The following SHC2 variants were observed in gnomAD, a reference collection of about 807,000 sequenced individuals.
SHC2 encodes the protein SHC-transforming protein 2.
A neutral mutation model predicts 60.6 loss-of-function variants in SHC2; 62 were observed. The observed-to-expected ratio is 1.02, with a 90% CI of 0.83 to 1.26. SHC2 has a LOEUF of 1.26. Among genes scored for constraint, SHC2 ranks in the 50% most tolerant of loss-of-function variants. SHC2 has a pLI of 0.00. For missense variants in SHC2, 873 were observed against 822.2 expected (o/e 1.06, Z -0.76); for synonymous variants, 375 against 372.4 (o/e 1.01, Z -0.08).
At chr19:459,448 AGGGGGAAGGACCCCTCTCAACTCAG>A (rs1975483663) in intron 1 of SHC2, among the ~76,000 whole-genome samples, 1 of 143,554 alleles carries the variant, frequency 7.0e-6, no homozygotes, top group African/African-American at 2.7e-5. Context: ...AACCCAGCGT[AGGGGGAAGGACCCCTCTCAACTCAG>A]CGTAGGGGGA....
chr19:425,035 G>A lies in SHC2; in HGVS notation c.1309+62C>T. The A allele has an allele frequency of 4.5e-6, 6 of 1,323,744 alleles. No homozygotes were observed. The highest frequency in any genetic ancestry group is 5.9e-6 in the Non-Finnish European group (6 of 1,021,702). The allele number at this position is 1,323,744 out of a possible 1,614,324, so 82.0% of individuals were successfully genotyped here. A position where few individuals can be genotyped will look rare whatever the true frequency, so the allele number is the denominator to read the frequency against. On this transcript the variant is annotated intron_variant, in intron 10 of 12. Transcript: ENST00000264554. The surrounding 1 kb of genome is among the most constrained non-coding windows in gnomAD (Gnocchi z 4.1). ...CCGTAGGGAGTGGGGGTGGGGTTGTGCCTCCCCCATCAGACAACACGGCCA... is the reference window on the plus strand; with the variant it reads ...CCGTAGGGAGTGGGGGTGGGGTTGTACCTCCCCCATCAGACAACACGGCCA...
At chr19:460,438 C>G in intron 1 of SHC2, 91 bp downstream of exon 1, 1 of 511,036 alleles carries the variant, frequency 2.0e-6, no homozygotes, top group Non-Finnish European at 2.7e-6. Flanking sequence ...GAGGGGACAC[C>G]TGGCTCGCGG....
At position 422,630 on chromosome 19, in the gene SHC2, G is replaced by C. The variant is rs887408782; in HGVS notation, c.1310-174C>G. 27 of 592,816 alleles carry C rather than the reference G, an allele frequency of 4.6e-5. No individual in the cohort carries two copies. In the African/African-American group the frequency reaches 4.7e-4, roughly 10 times the overall value. 36.7% of individuals were successfully genotyped at this position (592,816 alleles called of 1,614,324 possible). On this transcript the variant is annotated intron_variant, in intron 10 of 12. Coordinates refer to ENST00000264554, the MANE Select transcript of SHC2 (RefSeq NM_012435.3). This position sits in a 1 kb window ranked among gnomAD's most constrained non-coding sequence, Gnocchi z 5.0. ...CACTCTGCCCAGCCCCGTGCGTGCG[G>C]TGGGCTCACATGTGTAGCAACCTGG...
intron 1 of SHC2, among the ~76,000 whole-genome samples, chr19:458,695 G>A (rs112691936): frequency 2.9e-5 from 4 of 139,330 alleles, no homozygotes; most frequent in African/African-American, 1.0e-4. Flanking sequence ...AGCGGGTTCC[G>A]GGGAGGCGGA....
intron 4 of SHC2, among the ~76,000 whole-genome samples, chr19:437,181 C>T (rs781579907): frequency 2.0e-5 from 3 of 152,122 alleles, no homozygotes; most frequent in Admixed American, 6.5e-5. Flanking sequence ...TCTGCATGCT[C>T]GTTTGCATGC....
At position 425,623 on chromosome 19, in the gene SHC2, T is replaced by C. The variant is rs554813969; in HGVS notation, c.1175-392A>G. ...TTAAAAATAATCACAGTAACTCTGC[T>C]TCCCTGTAATTATGCTATCAACATG... is the stretch of plus-strand genomic sequence containing the variant. On this transcript the variant is annotated intron_variant, in intron 9 of 12. Transcript: ENST00000264554. This position sits in a 1 kb window ranked among gnomAD's most constrained non-coding sequence, Gnocchi z 4.1. 2.6e-4 allele frequency among the ~76,000 whole-genome samples: 39 copies of C among 152,354 alleles called. No individual in the cohort carries two copies. Among genetic ancestry groups the C allele is most frequent in the African/African-American group, 7.9e-4 (33 of 41,588 alleles).
intron 1 of SHC2, among the ~76,000 whole-genome samples, chr19:448,284 G>A (rs887658199): frequency 2.0e-5 from 3 of 152,154 alleles, no homozygotes; most frequent in Non-Finnish European, 4.4e-5. Flanking sequence ...TCCTCTCCAC[G>A]TCCCAGAGCC....
Position 436,157 on chromosome 19 carries a change from C to T in SHC2, c.953+8G>A, listed in dbSNP as rs1156858398. On this transcript the variant is annotated splice_region_variant and intron_variant, in intron 7 of 12. Coordinates refer to ENST00000264554, the MANE Select transcript of SHC2 (RefSeq NM_012435.3). ...TCCCCAGGGCACGGGGGAGGCAGCT[C>T]TGGTTACCTTTCTGGGGGCAGCGCC... The T allele has an allele frequency of 6.2e-7, 1 of 1,611,036 alleles. No homozygotes were observed. The highest frequency in any genetic ancestry group is 1.7e-5 in the Admixed American group (1 of 59,744).
Position 440,730 on chromosome 19 carries a change from T to G in SHC2, c.539+132A>C. On this transcript the variant is annotated intron_variant, in intron 2 of 12. Coordinates refer to ENST00000264554, the MANE Select transcript of SHC2 (RefSeq NM_012435.3). The surrounding 1 kb of genome is among the most constrained non-coding windows in gnomAD (Gnocchi z 7.0). ...GACGTGGCGTGAAGTGGGAGGGAGG[T>G]GGGGGGCACCGAGGCTGCGTCCTGG... 1.3e-6 allele frequency: 1 copy of G among 741,610 alleles called. No homozygotes were observed. Among genetic ancestry groups the G allele is most frequent in the East Asian group, 2.6e-5 (1 of 38,548 alleles). The allele number at this position is 741,610 out of a possible 1,614,324, so 45.9% of individuals were successfully genotyped here.
chr19:455,257 G>A (rs1035353379), intron 1 of SHC2, among the ~76,000 whole-genome samples: 7 of 152,210 alleles, frequency 4.6e-5, no homozygotes, highest in East Asian at 1.9e-4. Flanking sequence ...CAGCAGCTCC[G>A]AGTCAGGTCT....
intron 9 of SHC2, among the ~76,000 whole-genome samples, chr19:429,050 A>G (rs1312916244): frequency 6.7e-6 from 1 of 150,160 alleles, no homozygotes; most frequent in Non-Finnish European, 1.5e-5. Context: ...CGCAGTACCT[A>G]TATCCCAACA....
intron 1 of SHC2, among the ~76,000 whole-genome samples, chr19:458,638 C>T (rs1254552185): frequency 1.2e-5 from 1 of 82,368 alleles, no homozygotes; most frequent in Admixed American, 1.5e-4. Context: ...TCCGGGGAGG[C>T]GGAAGCCGGT....
chr19:421,397 C>CAAAAAAAAAAAAAAAAA (rs10582067), intron 11 of SHC2, among the ~76,000 whole-genome samples: 1 of 120,126 alleles, frequency 8.3e-6, no homozygotes. Flanking sequence ...GAGACTCCAT[C>CAAAAAAAAAAAAAAAAA]AAAAAAAAAA....
rs1443833522 is a variant in SHC2 at position 418,930 on chromosome 19, A to G, written c.1747T>C (p.Ter583ArgextTer3). Reference protein sequence around the residue: ...HLRGVVSREP* With the variant: ...HLRGVVSREPR ...ACGGCGGCAGCCACACACCTGGCTC[A>G]GGGCTCCCGTGAGACCACGCCACGC... Residue 583 changes from the stop codon to arginine, a stop_lost, in exon 12 of 13, where the codon TGA (stop) becomes CGA (arginine). Coordinates refer to ENST00000264554, the MANE Select transcript of SHC2 (RefSeq NM_012435.3). 4 of 1,585,016 alleles carry G rather than the reference A, an allele frequency of 2.5e-6. No homozygotes were observed. The highest frequency in any genetic ancestry group is 3.4e-6 in the Non-Finnish European group (4 of 1,163,758).
rs982523887 is a variant in SHC2 at position 440,765 on chromosome 19, G to A, written c.539+97C>T. On this transcript the variant is annotated intron_variant, in intron 2 of 12. Coordinates refer to ENST00000264554, the MANE Select transcript of SHC2 (RefSeq NM_012435.3). This position sits in a 1 kb window ranked among gnomAD's most constrained non-coding sequence, Gnocchi z 7.0. The stretch of plus-strand genomic sequence containing the variant: ...CGAGGCTGCGTCCTGGGACCCCAGC[G>A]CGGCTGTCGGAGAGCCCATCGCTGC... 97 of 1,045,528 alleles carry A rather than the reference G, an allele frequency of 9.3e-5. No homozygotes were observed. The highest frequency in any genetic ancestry group is 4.1e-4 in the East Asian group (17 of 41,870). The allele number at this position is 1,045,528 out of a possible 1,614,324, so 64.8% of individuals were successfully genotyped here.
chr19:443,302 G>GTGGA (rs1212622558), intron 1 of SHC2, among the ~76,000 whole-genome samples: 3 of 140,184 alleles, frequency 2.1e-5, no homozygotes, highest in Non-Finnish European at 4.5e-5. Context: ...GGATGGGTGG[G>GTGGA]TGGATGAGTG....
Position 418,981 on chromosome 19 carries a change from C to A in SHC2, c.1696G>T (p.Val566Leu). 6.3e-7 allele frequency: 1 copy of A among 1,585,462 alleles called. No homozygotes were observed. Among genetic ancestry groups the A allele is most frequent in the African/African-American group, 1.3e-5 (1 of 74,500 alleles). The change falls in exon 12 of 13, where the codon GTG becomes TTG. Residue 566 changes from valine (V) to leucine (L), a missense_variant. Coordinates refer to ENST00000264554, the MANE Select transcript of SHC2 (RefSeq NM_012435.3). ...AGGTGCAGCTCACTCTCGGCGGCCA[C>A]GATGGGCTGCCCGTTCTGCAGGTGG... ...DHHLQNGQPI[V>L]AAESELHLRG... is the part of the protein sequence containing the mutation.
In SHC2 at chr19:450,149, G is replaced by A. The variant is rs566143687; in HGVS notation, c.469-9217C>T. On this transcript the variant is annotated intron_variant, in intron 1 of 12. Coordinates refer to ENST00000264554, the MANE Select transcript of SHC2 (RefSeq NM_012435.3). ...ATGTGGGGCCCTGTTGGCCATCATC[G>A]CGAGGCTGGGCAGCCGGCGCTACAG... Among the ~76,000 whole-genome samples the A allele has an allele frequency of 1.1e-3, 175 of 152,224 alleles. 3 individuals carry two copies. In the South Asian group the frequency reaches 0.034, roughly 30 times the overall value.
Position 441,096 on chromosome 19 carries a change from G to A in SHC2, c.469-164C>T, listed in dbSNP as rs1302732045. ...CGTGCCTCCCCCACCTCAAGGCCCA[G>A]CCTTGACACTGTCCTGCGAGCCGCC... On this transcript the variant is annotated intron_variant, in intron 1 of 12. Transcript: ENST00000264554. The surrounding 1 kb of genome is among the most constrained non-coding windows in gnomAD (Gnocchi z 4.9). 31 of 983,526 alleles carry A rather than the reference G, an allele frequency of 3.2e-5. No homozygotes were observed. The highest frequency in any genetic ancestry group is 3.7e-5 in the Non-Finnish European group (31 of 828,702). The allele number at this position is 983,526 out of a possible 1,614,324, so 60.9% of individuals were successfully genotyped here.
Sources: allele counts gnomAD v4.1 joint callset (sites outside exome capture counted in the v4.1 genomes callset), GRCh38; gene constraint gnomAD v4.1.1; non-coding constraint Gnocchi (gnomAD v3.1); transcripts MANE v1.5; gene names NCBI Gene and HGNC (gene_info 2026-07-23, HGNC 2026-07-21).